Variants in FRMD4B observed in about 807,000 individuals in gnomAD.
FRMD4B encodes the protein FERM domain-containing protein 4B.
Under a neutral mutation model 141.5 loss-of-function variants are expected in FRMD4B, and 74 were observed. The ratio of observed to expected loss-of-function variants is 0.52; its 90% CI spans 0.43 to 0.63. FRMD4B has a LOEUF of 0.63. Ranked by LOEUF, FRMD4B falls within the 30% of genes least tolerant of loss-of-function variation. The pLI is 0.00. For synonymous variants in FRMD4B, 506 were observed against 467.9 expected, an observed-to-expected ratio of 1.08 and a Z score of -1.05; for missense variants, 1,366 against 1,253.4, an observed-to-expected ratio of 1.09 and a Z score of -1.36.
chr3:69,275,605 T>A (rs113799902), intron 5 of FRMD4B, among the ~76,000 whole-genome samples: 1,746 of 152,014 alleles, frequency 0.011, 34 homozygotes, highest in African/African-American at 0.039. Context: ...CTAGTTTTTT[T>A]AATTTTTTGT....
At chr3:69,451,084 C>G (rs6787023) in intron 1 of FRMD4B, among the ~76,000 whole-genome samples, 1 of 151,890 alleles carries the variant, frequency 6.6e-6, no homozygotes, top group Non-Finnish European at 1.5e-5. Context: ...CCTTCCACTC[C>G]GAGCCTCTGC....
intron 1 of FRMD4B, among the ~76,000 whole-genome samples, chr3:69,327,838 G>A (rs1402405623): frequency 6.6e-6 from 1 of 152,200 alleles, no homozygotes; most frequent in African/African-American, 2.4e-5. Context: ...TTGTTTCACT[G>A]TCACAGAAGA....
At chr3:69,295,409 T>C (rs1277184354) in intron 4 of FRMD4B, among the ~76,000 whole-genome samples, 2 of 151,924 alleles carry the variant, frequency 1.3e-5, no homozygotes, top group Admixed American at 6.6e-5. Flanking sequence ...GCAGCCTCAA[T>C]GTCCTGGGCT....
rs1433072047 is a variant in FRMD4B, at chr3:69,169,069, A to G, written c.*2792T>C. Among the ~76,000 whole-genome samples the G allele has an allele frequency of 8.7e-6, 1 of 114,774 alleles. No homozygotes were observed. Among genetic ancestry groups the G allele is most frequent in the Non-Finnish European group, 1.9e-5 (1 of 51,640 alleles). The allele number at this position is 114,774 out of a possible 152,430, so 75.3% of individuals were successfully genotyped here. A position where few individuals can be genotyped will look rare whatever the true frequency, so the allele number is the denominator to read the frequency against. On this transcript the variant is annotated 3_prime_UTR_variant, in exon 23 of 23. Coordinates refer to ENST00000398540, the MANE Select transcript of FRMD4B (RefSeq NM_015123.3). ...TTTAAAAAAATTACTATATGCATAGAAAAAAATCCAAACAAATATACAATA... is the reference window on the plus strand; with the variant it reads ...TTTAAAAAAATTACTATATGCATAGGAAAAAATCCAAACAAATATACAATA...
At chr3:69,487,921 A>T (rs960167308) in intron 1 of FRMD4B, among the ~76,000 whole-genome samples, 4 of 152,226 alleles carry the variant, frequency 2.6e-5, no homozygotes, top group Admixed American at 6.5e-5. Context: ...GATCTCAAAT[A>T]AAAATGCATT....
chr3:69,402,366 G>A (rs563423998), intron 2 of FRMD4B, among the ~76,000 whole-genome samples: 9 of 152,304 alleles, frequency 5.9e-5, no homozygotes, highest in South Asian at 2.1e-4. Context: ...AGAAACTGGA[G>A]CCTTCAAGTA....
At chr3:69,528,309 TTCTC>T (rs887288165) in intron 1 of FRMD4B, among the ~76,000 whole-genome samples, 11 of 144,138 alleles carry the variant, frequency 7.6e-5, no homozygotes, top group East Asian at 2.6e-4. Flanking sequence ...CTTCCTTCCT[TTCTC>T]TCTCTTTCTT....
intron 11 of FRMD4B, chr3:69,201,015 T>C: frequency 3.3e-6 from 1 of 299,022 alleles, no homozygotes; most frequent in East Asian, 8.2e-5. Context: ...TGAGAGCAAA[T>C]ACGCTCCCTG....
At chr3:69,453,513 T>C (rs895047671) in intron 1 of FRMD4B, among the ~76,000 whole-genome samples, 1 of 152,226 alleles carries the variant, frequency 6.6e-6, no homozygotes, top group Non-Finnish European at 1.5e-5. Flanking sequence ...AAGTGATGCC[T>C]GGAGCTAGCC....
At chr3:69,409,016 A>G (rs1704706988) in intron 2 of FRMD4B, among the ~76,000 whole-genome samples, 1 of 152,276 alleles carries the variant, frequency 6.6e-6, no homozygotes, top group South Asian at 2.1e-4. Flanking sequence ...TAAAATAGAG[A>G]GAAAAACACT....
intron 5 of FRMD4B, among the ~76,000 whole-genome samples, chr3:69,251,139 T>G (rs1200817576): frequency 6.6e-6 from 1 of 152,174 alleles, no homozygotes; most frequent in African/African-American, 2.4e-5. Flanking sequence ...AGCTTGTAAG[T>G]TTTAACAAAT....
intron 18 of FRMD4B, among the ~76,000 whole-genome samples, chr3:69,189,047 C>A (rs111242761): frequency 0.038 from 5,691 of 151,588 alleles, 262 homozygotes; most frequent in African/African-American, 0.11. Context: ...CATGGTGAAA[C>A]CCTGTCTCTA....
chr3:69,542,372 C>T (rs957234652), exon 1 of FRMD4B: 7 of 154,142 alleles, frequency 4.5e-5, no homozygotes, highest in African/African-American at 1.7e-4. Flanking sequence ...TCTTCCTCTT[C>T]CTCTCTGTCC....
rs1375256421 is a variant in FRMD4B, at chr3:69,170,546, T to G, written c.*1315A>C. On this transcript the variant is annotated 3_prime_UTR_variant, in exon 23 of 23. Transcript: ENST00000398540. ...ATAGATAGAAAATGTTCCAAAAAAG[T>G]TGTTCAGAAACTTTTCTATTCACAA... is the stretch of plus-strand genomic sequence containing the variant. The G allele has an allele frequency of 6.6e-6, 1 of 152,132 alleles. No homozygotes were observed. Among genetic ancestry groups the G allele is most frequent in the African/African-American group, 2.4e-5 (1 of 41,438 alleles). The allele number at this position is 152,132 out of a possible 1,614,324, so 9.4% of individuals were successfully genotyped here.
At chr3:69,423,945 A>G (rs181237027) in intron 2 of FRMD4B, among the ~76,000 whole-genome samples, 17 of 152,272 alleles carry the variant, frequency 1.1e-4, no homozygotes, top group Non-Finnish European at 2.2e-4. Context: ...TACCCAGCTT[A>G]TGGTATTTCG....
At chr3:69,401,715 A>T (rs1038952742) in intron 2 of FRMD4B, among the ~76,000 whole-genome samples, 5 of 151,938 alleles carry the variant, frequency 3.3e-5, no homozygotes, top group Admixed American at 6.6e-5. Context: ...ACACCCCAAA[A>T]TTTTTATATT....
chr3:69,459,280 T>C (rs1705672335), intron 1 of FRMD4B, among the ~76,000 whole-genome samples: 1 of 152,214 alleles, frequency 6.6e-6, no homozygotes, highest in Non-Finnish European at 1.5e-5. Flanking sequence ...CTCTGTCTAA[T>C]TATTGCATTT....
At chr3:69,232,519 C>T (rs996859881) in intron 7 of FRMD4B, among the ~76,000 whole-genome samples, 1 of 152,144 alleles carries the variant, frequency 6.6e-6, no homozygotes, top group African/African-American at 2.4e-5. Context: ...TTCTGAAGCC[C>T]CCCTTTCACA....
At chr3:69,475,080 A>G (rs1705961658) in intron 1 of FRMD4B, among the ~76,000 whole-genome samples, 1 of 152,172 alleles carries the variant, frequency 6.6e-6, no homozygotes, top group Non-Finnish European at 1.5e-5. Context: ...TTAGGGCCAC[A>G]GTTCTTAATC....
Sources: gnomAD v4.1 joint callset for allele counts (sites outside exome capture counted in the v4.1 genomes callset) on GRCh38, gnomAD v4.1.1 for gene constraint, MANE v1.5 for transcripts, NCBI Gene and HGNC (gene_info 2026-07-23, HGNC 2026-07-21) for gene names.